NELL1: variants seen among roughly 807,000 people sequenced by gnomAD.
The protein encoded by NELL1 is neural EGFL like 1.
A neutral mutation model predicts 107.4 loss-of-function variants in NELL1; 76 were observed. That is an observed-to-expected ratio of 0.71 (90% CI 0.59 to 0.86). The LOEUF is 0.86. NELL1 is among the 40% of genes least tolerant of loss of function. NELL1 has a pLI of 0.00. For synonymous variants in NELL1, 353 were observed against 341.2 expected, an observed-to-expected ratio of 1.03 and a Z score of -0.38; for missense variants, 1,024 against 1,005.5, an observed-to-expected ratio of 1.02 and a Z score of -0.25.
intron 14 of NELL1, among the ~76,000 whole-genome samples, chr11:21,274,565 G>A (rs967858737): frequency 2.6e-5 from 4 of 152,142 alleles, no homozygotes; most frequent in Non-Finnish European, 5.9e-5. Context: ...GACATCTACA[G>A]AACTTTCCAC....
At chr11:21,403,511 A>ATTAACAGCAAGCTCT (rs146859325) in intron 15 of NELL1, among the ~76,000 whole-genome samples, 50,960 of 151,314 alleles carry the variant, frequency 0.34, 9,248 homozygotes, top group East Asian at 0.47. Context: ...GATGAGTTTC[A>ATTAACAGCAAGCTCT]TGCCCCATGG....
intron 12 of NELL1, among the ~76,000 whole-genome samples, chr11:21,030,702 G>A (rs1852934952): frequency 6.9e-6 from 1 of 145,870 alleles, no homozygotes; most frequent in Non-Finnish European, 1.5e-5. Flanking sequence ...TTGCAAAAAA[G>A]ATGTTCTAAA....
chr11:20,742,170 T>A (rs1405651034), intron 2 of NELL1, among the ~76,000 whole-genome samples: 11 of 152,158 alleles, frequency 7.2e-5, no homozygotes. Context: ...GAGACTGTTG[T>A]TTACACCTAG....
chr11:21,131,826 G>A (rs757097802), intron 13 of NELL1, among the ~76,000 whole-genome samples: 47 of 152,048 alleles, frequency 3.1e-4, no homozygotes, highest in Middle Eastern at 3.2e-3. Flanking sequence ...GCTGAATATT[G>A]CATGTAACTT....
In NELL1 at chr11:21,574,965, TG is replaced by T; in HGVS notation, c.2383-6del. ...AACTGGCTAACACATGTTTCTTTGA[TG>T]TACAGAATGGAAGAGTCTGTTGTTC... On this transcript the variant is annotated splice_region_variant and splice_polypyrimidine_tract_variant and intron_variant, in intron 19 of 19. Coordinates refer to ENST00000357134, the MANE Select transcript of NELL1 (RefSeq NM_006157.5). The T allele has an allele frequency of 6.2e-7, 1 of 1,610,046 alleles. No homozygotes were observed. The highest frequency in any genetic ancestry group is 8.5e-7 in the Non-Finnish European group (1 of 1,177,150).
At chr11:20,715,663 TA>T (rs2133901901) in intron 2 of NELL1, among the ~76,000 whole-genome samples, 1 of 152,360 alleles carries the variant, frequency 6.6e-6, no homozygotes, top group East Asian at 1.9e-4. Flanking sequence ...TATTTTAAAT[TA>T]ACCAGGACAG....
chr11:20,705,359 C>T (rs986490319), intron 2 of NELL1, among the ~76,000 whole-genome samples: 21 of 151,990 alleles, frequency 1.4e-4, no homozygotes, highest in South Asian at 4.1e-4. Context: ...GAAATAATGC[C>T]GCATATCTAC....
At chr11:20,965,528 G>A (rs1851371281) in intron 12 of NELL1, among the ~76,000 whole-genome samples, 1 of 152,148 alleles carries the variant, frequency 6.6e-6, no homozygotes, top group Non-Finnish European at 1.5e-5. Flanking sequence ...GGTGCATATT[G>A]TTAGCAGTGG....
intron 4 of NELL1, among the ~76,000 whole-genome samples, chr11:20,871,623 T>C (rs1449200241): frequency 8.8e-6 from 1 of 114,238 alleles, no homozygotes; most frequent in South Asian, 3.5e-4. Context: ...TTATTTGTAC[T>C]ACTTTCTCAT....
At position 20,755,568 on chromosome 11, in the gene NELL1, T is replaced by TTTTATTTATTTTTTTTA. The variant is rs1564895131; in HGVS notation, c.185-28109_185-28108insATTTATTTTTTTTATTT. Among the ~76,000 whole-genome samples the TTTTATTTATTTTTTTTA allele has an allele frequency of 6.6e-5, 8 of 120,964 alleles. No homozygotes were observed. The East Asian group carries it at 2.0e-3, about 30-fold the overall frequency. 79.4% of individuals were successfully genotyped at this position (120,964 alleles called of 152,430 possible). On this transcript the variant is annotated intron_variant, in intron 2 of 19. Coordinates refer to ENST00000357134, the MANE Select transcript of NELL1 (RefSeq NM_006157.5). ...TTTTTTTGTTTTTGTTTTTGTTTTTTTTTTTTTGAGACAGAATCTGGCTGT... is the reference window on the plus strand; with the variant it reads ...TTTTTTTGTTTTTGTTTTTGTTTTTTTTTATTTATTTTTTTTATTTTTTTGAGACAGAATCTGGCTGT...
chr11:21,211,625 A>C (rs1340986626), intron 13 of NELL1, among the ~76,000 whole-genome samples: 1 of 152,176 alleles, frequency 6.6e-6, no homozygotes, highest in South Asian at 2.1e-4. Context: ...AGCTATAGCA[A>C]TAGCCCAAGT....
At chr11:21,422,262 G>A (rs1852697998) in intron 15 of NELL1, among the ~76,000 whole-genome samples, 6 of 152,112 alleles carry the variant, frequency 3.9e-5, no homozygotes, top group Admixed American at 3.9e-4. Context: ...ATACTAGAAT[G>A]TAATGCAAAA....
chr11:20,935,282 C>T (rs1202538903), intron 9 of NELL1, among the ~76,000 whole-genome samples: 1 of 152,090 alleles, frequency 6.6e-6, no homozygotes, highest in Non-Finnish European at 1.5e-5. Flanking sequence ...GGACGATTAA[C>T]CAGTGTTAAA....
chr11:20,787,926 T>G (rs1857000744), intron 3 of NELL1, among the ~76,000 whole-genome samples: 1 of 152,210 alleles, frequency 6.6e-6, no homozygotes, highest in Non-Finnish European at 1.5e-5. Context: ...GATTTGCCTA[T>G]TTTGGTTATT....
chr11:21,031,514 G>A (rs1231909279), intron 12 of NELL1, among the ~76,000 whole-genome samples: 3 of 152,170 alleles, frequency 2.0e-5, no homozygotes, highest in Non-Finnish European at 2.9e-5. Context: ...TAAGGAAGGT[G>A]GTTCACCACT....
chr11:20,828,880 C>T (rs754147674), intron 3 of NELL1, among the ~76,000 whole-genome samples: 3 of 151,980 alleles, frequency 2.0e-5, no homozygotes, highest in African/African-American at 4.8e-5. Flanking sequence ...TAACTCAATC[C>T]GTGAGGAAGA....
intron 15 of NELL1, among the ~76,000 whole-genome samples, chr11:21,518,817 T>A (rs959658567): frequency 6.6e-6 from 1 of 152,244 alleles, no homozygotes; most frequent in Non-Finnish European, 1.5e-5. Flanking sequence ...TTATTTAATA[T>A]CTTTCAGACT....
rs910454436 is a variant in NELL1 at position 21,560,123 on chromosome 11, T to C, written c.1787-66T>C. On this transcript the variant is annotated intron_variant, in intron 16 of 19. Coordinates refer to ENST00000357134, the MANE Select transcript of NELL1 (RefSeq NM_006157.5). ...TGATGTTAGTTAATGCTACTGCAAA[T>C]GATGGTTGTTTGTTCTCTAAGTTCC... 12 of 1,460,246 alleles carry C rather than the reference T, an allele frequency of 8.2e-6. No homozygotes were observed. In the East Asian group the frequency reaches 2.7e-4, roughly 33 times the overall value. 90.5% of individuals were successfully genotyped at this position (1,460,246 alleles called of 1,614,324 possible). A position where few individuals can be genotyped will look rare whatever the true frequency, so the allele number is the denominator to read the frequency against.
At chr11:20,815,495 T>C (rs1857605066) in intron 3 of NELL1, among the ~76,000 whole-genome samples, 1 of 152,216 alleles carries the variant, frequency 6.6e-6, no homozygotes, top group Non-Finnish European at 1.5e-5. Flanking sequence ...TTTGCCCATT[T>C]CTTAAATGGG....
Sources: gnomAD v4.1 joint callset for allele counts (sites outside exome capture counted in the v4.1 genomes callset) on GRCh38, gnomAD v4.1.1 for gene constraint, MANE v1.5 for transcripts, NCBI Gene and HGNC (gene_info 2026-07-23, HGNC 2026-07-21) for gene names.